The following TMEM190 variants were observed in gnomAD, a reference collection of about 807,000 sequenced individuals.
TMEM190 encodes transmembrane protein 190.
In TMEM190, 17 loss-of-function variants were observed where a neutral mutation model predicts 17.1. That is an observed-to-expected ratio of 0.99 (90% CI 0.68 to 1.49). TMEM190 has a LOEUF of 1.49. Among genes scored for constraint, TMEM190 ranks in the 40% most tolerant of loss-of-function variants. The pLI is 0.00. For missense variants in TMEM190, 246 were observed against 245.0 expected, an observed-to-expected ratio of 1.00 and a Z score of -0.03; for synonymous variants, 101 against 103.8, an observed-to-expected ratio of 0.97 and a Z score of 0.16.
rs1442252465 is a variant in TMEM190 at position 55,376,972 on chromosome 19, A to G, written c.59-19A>G. The G allele has an allele frequency of 7.1e-6, 11 of 1,552,060 alleles. No individual in the cohort carries two copies. Among genetic ancestry groups the G allele is most frequent in the Non-Finnish European group, 9.6e-6 (11 of 1,147,324 alleles). Reference sequence around the variant, plus strand: ...ACGCCCGGCTCCACACAGCCCTAACACTGCCCTTTCTCTCGCAGACGGAAA... The same window carrying G: ...ACGCCCGGCTCCACACAGCCCTAACGCTGCCCTTTCTCTCGCAGACGGAAA... On this transcript the variant is annotated intron_variant, in intron 1 of 4. Coordinates refer to ENST00000291934, the MANE Select transcript of TMEM190 (RefSeq NM_139172.3).
In TMEM190 at chr19:55,378,216, G is replaced by T. The variant is rs763480472; in HGVS notation, c.*13G>T. 7.2e-6 allele frequency: 11 copies of T among 1,527,580 alleles called. No homozygotes were observed. The East Asian group carries it at 1.1e-4, about 16-fold the overall frequency. The allele number at this position is 1,527,580 out of a possible 1,614,324, so 94.6% of individuals were successfully genotyped here. On this transcript the variant is annotated 3_prime_UTR_variant, in exon 5 of 5. Transcript: ENST00000291934. ...AGAGGAGGATTAGGGGAGTCCCCGG[G>T]GGACTGCTCAATACAGATACGGTGG...
chr19:55,377,530 C>G lies in TMEM190; in HGVS notation c.95-63C>G, dbSNP rs557123437. The G allele has an allele frequency of 1.5e-5, 24 of 1,553,430 alleles. No homozygotes were observed. In the African/African-American group the frequency reaches 2.3e-4, roughly 15 times the overall value. ...GCCTGGGAGCATGGCCTTGGAATCT[C>G]GTGTATGAGGCCTTCGGAGCGGAGC... On this transcript the variant is annotated intron_variant, in intron 2 of 4. Coordinates refer to ENST00000291934, the MANE Select transcript of TMEM190 (RefSeq NM_139172.3).
Position 55,377,992 on chromosome 19 carries a change from A to G in TMEM190, c.323A>G (p.Asp108Gly). ...ICLFWWAKRR[D>G]VLHMPGFLAG... ...CCCTGCAGGTGGGCCAAGCGCCGGGACGTGCTGCATATGCCCGGTTTCCTG... is the reference window on the plus strand; with the variant it reads ...CCCTGCAGGTGGGCCAAGCGCCGGGGCGTGCTGCATATGCCCGGTTTCCTG... Residue 108 changes from aspartate (D) to glycine (G), a missense_variant, in exon 5 of 5, where the codon GAC (aspartate) becomes GGC (glycine). Transcript: ENST00000291934. 6.2e-7 allele frequency: 1 copy of G among 1,612,192 alleles called. No homozygotes were observed. Among genetic ancestry groups the G allele is most frequent in the Admixed American group, 1.7e-5 (1 of 59,980 alleles).
intron 4 of TMEM190, 21 bp downstream of exon 4, chr19:55,377,907 G>T (rs375344925): frequency 6.2e-7 from 1 of 1,606,932 alleles, no homozygotes; most frequent in South Asian, 1.1e-5. Flanking sequence ...CTGGGATAGG[G>T]CGGGCGCCTG....
In TMEM190 at chr19:55,377,667, C is replaced by A. The variant is rs142105742; in HGVS notation, c.169C>A (p.Arg57Ser). 2 of 1,613,308 alleles carry A rather than the reference C, an allele frequency of 1.2e-6. No homozygotes were observed. Among genetic ancestry groups the A allele is most frequent in the African/African-American group, 2.7e-5 (2 of 74,886 alleles). Residue 57 changes from arginine to serine, a missense_variant, in exon 3 of 5, where the codon CGT becomes AGT. Arg to Ser is a moderately radical substitution (Grantham distance 110). Coordinates refer to ENST00000291934, the MANE Select transcript of TMEM190 (RefSeq NM_139172.3). ...AAIDSPNLCL[R>S]LRCCYRNGVC... is the part of the protein sequence containing the mutation. ...CATCGATAGCCCCAACCTCTGCCTGCGTCTCCGGTGCTGCTACCGCAATGG... is the reference window on the plus strand; with the variant it reads ...CATCGATAGCCCCAACCTCTGCCTGAGTCTCCGGTGCTGCTACCGCAATGG...
chr19:55,376,903 G>C lies in TMEM190; in HGVS notation c.50G>C (p.Gly17Ala), dbSNP rs1475486987. Residue 17 changes from glycine to alanine, a missense_variant, in exon 1 of 5, where the codon GGC (glycine) becomes GCC (alanine). Transcript: ENST00000291934. ...PALGLLLLLQ[G>A]SADGNGIQGF... ...CTGGGCCTGCTCCTGCTGCTGCAGG[G>C]CTCGGCAGGTGAGGGGCTGGTGAGG... is the stretch of plus-strand genomic sequence containing the variant. 3.8e-6 allele frequency: 6 copies of C among 1,579,322 alleles called. No homozygotes were observed. The highest frequency in any genetic ancestry group is 5.2e-6 in the Non-Finnish European group (6 of 1,162,814).
Position 55,377,986 on chromosome 19 carries a change from G to T in TMEM190, c.317G>T (p.Arg106Leu). The T allele has an allele frequency of 6.2e-7, 1 of 1,611,676 alleles. No individual in the cohort carries two copies. The highest frequency in any genetic ancestry group is 8.5e-7 in the Non-Finnish European group (1 of 1,179,862). ...TCCGCTCCCTGCAGGTGGGCCAAGC[G>T]CCGGGACGTGCTGCATATGCCCGGT... ...CSICLFWWAKRRDVLHMPGFL... is the reference protein window; with the variant it reads ...CSICLFWWAKLRDVLHMPGFL... The change falls in exon 5 of 5, where the codon CGC becomes CTC. Residue 106 changes from arginine to leucine, a missense_variant. Coordinates refer to ENST00000291934, the MANE Select transcript of TMEM190 (RefSeq NM_139172.3).
chr19:55,377,854 C>T lies in TMEM190; in HGVS notation c.273C>T (p.Leu91=). ...CGCTGGTCTGGACGTGCAGCGGCCT[C>T]CTCCTCCTGAGCTGCAGCATCTGCT... ...MWALVWTCSG[L]LLLSCSICLF... The change falls in exon 4 of 5, where the codon CTC becomes CTT. Residue 91 remains leucine (L), a synonymous_variant. Transcript: ENST00000291934. The T allele has an allele frequency of 6.2e-7, 1 of 1,610,606 alleles. No homozygotes were observed. Among genetic ancestry groups the T allele is most frequent in the Non-Finnish European group, 8.5e-7 (1 of 1,179,830 alleles).
chr19:55,376,965 C>A, intron 1 of TMEM190, 26 bp from the exon 2 acceptor site: 1 of 1,552,518 alleles, frequency 6.4e-7, no homozygotes, highest in Non-Finnish European at 8.7e-7. Flanking sequence ...CTCCACACAG[C>A]CCTAACACTG....
chr19:55,377,998 T>C lies in TMEM190; in HGVS notation c.329T>C (p.Leu110Pro). The C allele has an allele frequency of 6.2e-7, 1 of 1,612,526 alleles. No individual in the cohort carries two copies. The highest frequency in any genetic ancestry group is 8.5e-7 in the Non-Finnish European group (1 of 1,179,892). The part of the protein sequence containing the change: ...LFWWAKRRDV[L>P]HMPGFLAGPC... Reference sequence around the variant, plus strand: ...AGGTGGGCCAAGCGCCGGGACGTGCTGCATATGCCCGGTTTCCTGGCGGGT... The same window carrying C: ...AGGTGGGCCAAGCGCCGGGACGTGCCGCATATGCCCGGTTTCCTGGCGGGT... Residue 110 changes from leucine to proline, a missense_variant, in exon 5 of 5, where the codon CTG becomes CCG. Coordinates refer to ENST00000291934, the MANE Select transcript of TMEM190 (RefSeq NM_139172.3).
rs954291686 is a variant in TMEM190 at position 55,377,573 on chromosome 19, C to T, written c.95-20C>T. ...AGCGGAGCGCTGTGATGAAGCAAGC[C>T]ACTGGTGGTTGGTCCCCAGGCTGTG... is the stretch of plus-strand genomic sequence containing the variant. On this transcript the variant is annotated intron_variant, in intron 2 of 4. Transcript: ENST00000291934. 4.4e-6 allele frequency: 7 copies of T among 1,595,394 alleles called. No homozygotes were observed. Among genetic ancestry groups the T allele is most frequent in the Non-Finnish European group, 6.0e-6 (7 of 1,170,830 alleles).
intron 4 of TMEM190, 25 bp from the exon 5 acceptor site, chr19:55,377,937 CGGCGGAGGGCGGG>C (rs773357883): frequency 9.3e-6 from 15 of 1,605,832 alleles, no homozygotes; most frequent in Non-Finnish European, 1.2e-5. Flanking sequence ...GGGGAGGGTC[CGGCGGAGGGCGGG>C]GGCTGAGCCG....
Position 55,377,010 on chromosome 19 carries a change from A to G in TMEM190, c.78A>G (p.Gly26=). The change falls in exon 2 of 5, where the codon GGA becomes GGG. Residue 26 remains glycine, a synonymous_variant. Transcript: ENST00000291934. ...TCGCAGACGGAAATGGAATCCAGGG[A>G]TTCTTCTACCCATGGAGTGAGCAGC... is the stretch of plus-strand genomic sequence containing the variant. The part of the protein sequence containing the change: ...QGSADGNGIQ[G]FFYPWSCEGD... The G allele has an allele frequency of 6.4e-7, 1 of 1,551,364 alleles. No homozygotes were observed. Among genetic ancestry groups the G allele is most frequent in the African/African-American group, 1.4e-5 (1 of 73,162 alleles).
chr19:55,377,542 C>T (rs1467167387), intron 2 of TMEM190, 51 bp from the exon 3 acceptor site: 1 of 1,566,354 alleles, frequency 6.4e-7, no homozygotes, highest in African/African-American at 1.4e-5. Flanking sequence ...TGTATGAGGC[C>T]TTCGGAGCGG....
chr19:55,377,732 G>A lies in TMEM190; in HGVS notation c.220+14G>A. Reference sequence around the variant, plus strand: ...AGCGTCCAGACGGTGAGGGCTCCTGGCCCCAGGTCCCTGGGGCGTGGGTCT... The same window carrying A: ...AGCGTCCAGACGGTGAGGGCTCCTGACCCCAGGTCCCTGGGGCGTGGGTCT... On this transcript the variant is annotated intron_variant, in intron 3 of 4. Coordinates refer to ENST00000291934, the MANE Select transcript of TMEM190 (RefSeq NM_139172.3). 3 of 1,610,876 alleles carry A rather than the reference G, an allele frequency of 1.9e-6. No homozygotes were observed. The highest frequency in any genetic ancestry group is 1.7e-6 in the Non-Finnish European group (2 of 1,178,268).
Position 55,377,649 on chromosome 19 carries a change from A to G in TMEM190, c.151A>G (p.Ser51Gly), listed in dbSNP as rs1190376528. The G allele has an allele frequency of 6.2e-7, 1 of 1,613,388 alleles. No homozygotes were observed. Among genetic ancestry groups the G allele is most frequent in the South Asian group, 1.1e-5 (1 of 91,034 alleles). Residue 51 changes from serine to glycine, a missense_variant, in exon 3 of 5, where the codon AGC becomes GGC. Physicochemically the swap from Ser to Gly is moderately conservative, Grantham distance 56. Transcript: ENST00000291934. ...ESCGGQAAID[S>G]PNLCLRLRCC... Reference sequence around the variant, plus strand: ...CTGTGGGGGCCAGGCGGCCATCGATAGCCCCAACCTCTGCCTGCGTCTCCG... The same window carrying G: ...CTGTGGGGGCCAGGCGGCCATCGATGGCCCCAACCTCTGCCTGCGTCTCCG...
Position 55,378,237 on chromosome 19 carries a change from G to A in TMEM190, c.*34G>A, listed in dbSNP as rs749451685. 1.9e-5 allele frequency: 28 copies of A among 1,502,484 alleles called. No homozygotes were observed. The highest frequency in any genetic ancestry group is 4.1e-5 in the South Asian group (3 of 73,966). The allele number at this position is 1,502,484 out of a possible 1,614,324, so 93.1% of individuals were successfully genotyped here. A position where few individuals can be genotyped will look rare whatever the true frequency, so the allele number is the denominator to read the frequency against. ...CCGGGGGACTGCTCAATACAGATAC[G>A]GTGGACGGACGTGTGTTCTCTTCTC... On this transcript the variant is annotated 3_prime_UTR_variant, in exon 5 of 5. Coordinates refer to ENST00000291934, the MANE Select transcript of TMEM190 (RefSeq NM_139172.3).
chr19:55,377,949 G>A (rs2089865585), intron 4 of TMEM190, 26 bp from the exon 5 acceptor site: 1 of 1,607,220 alleles, frequency 6.2e-7, no homozygotes, highest in Admixed American at 1.7e-5. Flanking sequence ...GCGGAGGGCG[G>A]GGGCTGAGCC....
rs1458843310 is a variant in TMEM190, at chr19:55,378,096, A to G, written c.427A>G (p.Ser143Gly). 1 of 1,609,422 alleles carries G rather than the reference A, an allele frequency of 6.2e-7. No individual in the cohort carries two copies. Among genetic ancestry groups the G allele is most frequent in the Admixed American group, 1.7e-5 (1 of 59,726 alleles). The change falls in exon 5 of 5, where the codon AGC (serine) becomes GGC (glycine). Residue 143 changes from serine to glycine, a missense_variant. Physicochemically the swap from Ser to Gly is moderately conservative, Grantham distance 56. Coordinates refer to ENST00000291934, the MANE Select transcript of TMEM190 (RefSeq NM_139172.3). ...RGTKKTPSTG[S>G]VPVALSKESR... ...GACCAAGAAGACGCCGTCCACGGGC[A>G]GCGTGCCAGTCGCCCTGTCCAAAGA...
Sources: gnomAD v4.1 joint callset for allele counts on GRCh38, gnomAD v4.1.1 for gene constraint, MANE v1.5 for transcripts, NCBI Gene and HGNC (gene_info 2026-07-23, HGNC 2026-07-21) for gene names.